Variants in COPB1 observed in about 807,000 individuals in gnomAD.
COPB1 encodes the protein coatomer subunit beta.
In COPB1, 21 loss-of-function variants were observed where a neutral mutation model predicts 108.7. The observed-to-expected ratio is 0.19, with a 90% CI of 0.14 to 0.28. The LOEUF (loss-of-function observed/expected upper bound fraction) is 0.28, where lower values mean the gene tolerates loss of function less well. Ranked by LOEUF, COPB1 falls within the 10% of genes least tolerant of loss-of-function variation. COPB1 has a pLI of 1.00. For synonymous variants in COPB1, 378 were observed against 386.8 expected (o/e 0.98, Z 0.27); for missense variants, 919 against 1,141.3 (o/e 0.81, Z 2.81).
At position 14,468,573 on chromosome 11, in the gene COPB1, T is replaced by G. The variant is rs79041938; in HGVS notation, c.2145+108A>C. The G allele has an allele frequency of 1.7e-4, 182 of 1,075,100 alleles. 1 individual carries two copies. The African/African-American group carries it at 2.5e-3, about 15-fold the overall frequency. 66.6% of individuals were successfully genotyped at this position (1,075,100 alleles called of 1,614,324 possible). ...TTTCAACTGAGGTTTAATGGACCTA[T>G]CACAGTGACTTGACAAAATAGTTAT... On this transcript the variant is annotated intron_variant, in intron 16 of 21. Coordinates refer to ENST00000439561, the MANE Select transcript of COPB1 (RefSeq NM_001144061.2).
intron 20 of COPB1, among the ~76,000 whole-genome samples, chr11:14,459,442 C>T (rs191797208): frequency 6.5e-4 from 99 of 152,060 alleles, no homozygotes; most frequent in African/African-American, 2.3e-3. Flanking sequence ...AAAAAAGTTC[C>T]TTAGAGCTCC....
At chr11:14,473,799 A>T (rs975634824) in intron 14 of COPB1, among the ~76,000 whole-genome samples, 1 of 151,900 alleles carries the variant, frequency 6.6e-6, no homozygotes, top group Non-Finnish European at 1.5e-5. Context: ...TGATGCTAAC[A>T]GACTTGCTCA....
At chr11:14,463,695 T>C (rs541135410) in intron 18 of COPB1, among the ~76,000 whole-genome samples, 3 of 152,352 alleles carry the variant, frequency 2.0e-5, no homozygotes, top group Admixed American at 6.5e-5. Flanking sequence ...GGCACTTTAA[T>C]ACCGAACCTG....
chr11:14,470,446 A>G (rs1402201314), intron 14 of COPB1, among the ~76,000 whole-genome samples: 3 of 152,194 alleles, frequency 2.0e-5, no homozygotes, highest in Admixed American at 6.5e-5. Flanking sequence ...AATACCTTTA[A>G]TGAATGTCAG....
rs1017025390 is a variant in COPB1 at position 14,483,160 on chromosome 11, A to C, written c.838-9T>G. On this transcript the variant is annotated splice_polypyrimidine_tract_variant and intron_variant, in intron 7 of 21. Coordinates refer to ENST00000439561, the MANE Select transcript of COPB1 (RefSeq NM_001144061.2). ...TAACACTGAGCAGCAGCCTATATAA[A>C]AAAAGAAATACATTTTAAGAAGTTA... The C allele has an allele frequency of 6.5e-6, 10 of 1,527,184 alleles. No homozygotes were observed. Among genetic ancestry groups the C allele is most frequent in the Middle Eastern group, 2.1e-4 (1 of 4,836 alleles). 94.6% of individuals were successfully genotyped at this position (1,527,184 alleles called of 1,614,324 possible).
At chr11:14,464,783 G>A (rs1565012046) in intron 18 of COPB1, 128 bp downstream of exon 18, 4 of 999,998 alleles carry the variant, frequency 4.0e-6, no homozygotes, top group Non-Finnish European at 5.8e-6. Flanking sequence ...TGGTACCATA[G>A]AGAGTATCTC....
chr11:14,490,460 G>C (rs1174085064), intron 5 of COPB1, 105 bp downstream of exon 5: 3 of 621,722 alleles, frequency 4.8e-6, no homozygotes, highest in Non-Finnish European at 7.9e-6. Context: ...CAAACCACAT[G>C]AACTATAAAC....
At chr11:14,470,476 ATTAC>A (rs1850375728) in intron 14 of COPB1, among the ~76,000 whole-genome samples, 1 of 152,194 alleles carries the variant, frequency 6.6e-6, no homozygotes, top group African/African-American at 2.4e-5. Context: ...TGAAGTCCGT[ATTAC>A]TTAGCTCGCT....
intron 21 of COPB1, among the ~76,000 whole-genome samples, chr11:14,458,090 T>TC (rs1934145210): frequency 6.7e-6 from 1 of 148,232 alleles, no homozygotes. Flanking sequence ...TTTTTTTTTT[T>TC]TTTTTTTGAG....
At chr11:14,461,843 A>G (rs1015171532) in intron 18 of COPB1, among the ~76,000 whole-genome samples, 1 of 152,142 alleles carries the variant, frequency 6.6e-6, no homozygotes, top group African/African-American at 2.4e-5. Flanking sequence ...TGCTTCCAGG[A>G]CCCCCTATGG....
chr11:14,491,299 C>T (rs961678554), intron 4 of COPB1, among the ~76,000 whole-genome samples: 14 of 152,058 alleles, frequency 9.2e-5, no homozygotes, highest in Admixed American at 1.3e-4. Context: ...CCACCCACCT[C>T]GGCTTCCCAA....
At chr11:14,485,025 C>T (rs1346774308) in intron 7 of COPB1, among the ~76,000 whole-genome samples, 1 of 152,100 alleles carries the variant, frequency 6.6e-6, no homozygotes, top group Non-Finnish European at 1.5e-5. Flanking sequence ...TTTTTATTTT[C>T]TTAGAGACAG....
chr11:14,494,566 T>G, intron 2 of COPB1, 127 bp from the exon 3 acceptor site: 1 of 605,088 alleles, frequency 1.7e-6, no homozygotes, highest in East Asian at 2.8e-5. Context: ...GTAATAAAAG[T>G]ACAAACCCAA....
At chr11:14,488,760 T>C (rs1285256781) in intron 5 of COPB1, among the ~76,000 whole-genome samples, 176 bp from the exon 6 acceptor site, 1 of 151,912 alleles carries the variant, frequency 6.6e-6, no homozygotes, top group Non-Finnish European at 1.5e-5. Context: ...ATATAAGACA[T>C]AAAGTTAAAT....
chr11:14,481,053 T>C lies in COPB1; in HGVS notation c.1002A>G (p.Leu334=), dbSNP rs1293738320. 1.9e-6 allele frequency: 3 copies of C among 1,613,758 alleles called. No individual in the cohort carries two copies. In the South Asian group the frequency reaches 3.3e-5, roughly 18 times the overall value. The part of the protein sequence containing the change: ...DILRVLSTPD[L]EVRKKTLQLA... ...ACTGCAGAGTTTTCTTTCGTACTTCTAAGTCTGGTGTGCTCAATACTCTTA... is the reference window on the plus strand; with the variant it reads ...ACTGCAGAGTTTTCTTTCGTACTTCCAAGTCTGGTGTGCTCAATACTCTTA... The change falls in exon 9 of 22, where the codon TTA becomes TTG. Residue 334 remains leucine, a synonymous_variant. Coordinates refer to ENST00000439561, the MANE Select transcript of COPB1 (RefSeq NM_001144061.2).
chr11:14,464,794 A>G, intron 18 of COPB1, 117 bp downstream of exon 18: 1 of 1,142,480 alleles, frequency 8.8e-7, no homozygotes, highest in Non-Finnish European at 1.2e-6. Context: ...AGAGTATCTC[A>G]TAAATTATGA....
intron 13 of COPB1, among the ~76,000 whole-genome samples, chr11:14,475,023 G>T (rs1236222372): frequency 6.9e-6 from 1 of 144,426 alleles, no homozygotes; most frequent in Non-Finnish European, 1.5e-5. Flanking sequence ...TTGAGCCCAG[G>T]AGACAGGTTG....
chr11:14,488,577 G>A lies in COPB1; in HGVS notation c.614C>T (p.Ala205Val). Residue 205 changes from alanine to valine, a missense_variant, in exon 6 of 22, where the codon GCT (alanine) becomes GTT (valine). Physicochemically the swap from Ala to Val is moderately conservative, Grantham distance 64. Around this residue, in one of 5 missense-constraint regions of COPB1, gnomAD observed 78 missense variants for 95.4 expected, o/e 0.82. Transcript: ENST00000439561. ...MMLIHADQDR[A>V]LDYLSTCIDQ... Reference sequence around the variant, plus strand: ...AATGCAAGTACTTAAGTAATCCAAAGCTCGATCCTAAAAAAAATAAGAATA... The same window carrying A: ...AATGCAAGTACTTAAGTAATCCAAAACTCGATCCTAAAAAAAATAAGAATA... 1 of 1,596,892 alleles carries A rather than the reference G, an allele frequency of 6.3e-7. No individual in the cohort carries two copies. Among genetic ancestry groups the A allele is most frequent in the Non-Finnish European group, 8.5e-7 (1 of 1,169,828 alleles).
At chr11:14,470,441 C>T (rs1223046807) in intron 14 of COPB1, among the ~76,000 whole-genome samples, 1 of 152,198 alleles carries the variant, frequency 6.6e-6, no homozygotes, top group African/African-American at 2.4e-5. Context: ...ATGTAAATAC[C>T]TTTAATGAAT....
Sources: allele counts gnomAD v4.1 joint callset (sites outside exome capture counted in the v4.1 genomes callset), GRCh38; gene constraint gnomAD v4.1.1; regional missense constraint gnomAD v4.1.1; transcripts MANE v1.5; gene names NCBI Gene and HGNC (gene_info 2026-07-23, HGNC 2026-07-21).